GRM5: variants seen among roughly 807,000 people sequenced by gnomAD.
The protein encoded by GRM5 is glutamate metabotropic receptor 5, also known as metabotropic glutamate receptor 5.
Under a neutral mutation model 83.1 loss-of-function variants are expected in GRM5, and 19 were observed. That is an observed-to-expected ratio of 0.23 (90% CI 0.16 to 0.34). The LOEUF (loss-of-function observed/expected upper bound fraction) is 0.34. GRM5 is among the 10% of genes least tolerant of loss of function. GRM5 has a pLI of 1.00. For missense variants in GRM5, 1,160 were observed against 1,588.3 expected (o/e 0.73, Z 4.58); for synonymous variants, 675 against 633.6 (o/e 1.07, Z -0.98).
chr11:88,721,177 T>G (rs1941529790), intron 3 of GRM5, among the ~76,000 whole-genome samples: 1 of 152,050 alleles, frequency 6.6e-6, no homozygotes, highest in Non-Finnish European at 1.5e-5. Flanking sequence ...AGCACCACGA[T>G]GGTGATACAA....
chr11:88,565,341 G>C (rs1364536689), intron 8 of GRM5, among the ~76,000 whole-genome samples: 1 of 152,186 alleles, frequency 6.6e-6, no homozygotes, highest in African/African-American at 2.4e-5. Context: ...GGTGCAGAGA[G>C]ACAAAGTAGC....
intron 3 of GRM5, among the ~76,000 whole-genome samples, chr11:88,794,152 G>A (rs942017145): frequency 2.6e-5 from 4 of 152,232 alleles, no homozygotes; most frequent in Middle Eastern, 3.4e-3. Flanking sequence ...TAATATACCT[G>A]GAACATGCAT....
At chr11:88,521,399 A>G (rs7943652) in intron 9 of GRM5, among the ~76,000 whole-genome samples, 22,888 of 152,070 alleles carry the variant, frequency 0.15, 1,926 homozygotes, top group African/African-American at 0.19. Flanking sequence ...CCTGGGTGAC[A>G]TTGCAGACTC....
chr11:88,773,058 TC>T (rs1942773589), intron 3 of GRM5, among the ~76,000 whole-genome samples: 1 of 152,194 alleles, frequency 6.6e-6, no homozygotes, highest in South Asian at 2.1e-4. Flanking sequence ...TAATTTACAC[TC>T]CCACCAACAG....
intron 4 of GRM5, among the ~76,000 whole-genome samples, chr11:88,615,255 C>A (rs915164630): frequency 1.3e-5 from 2 of 152,016 alleles, no homozygotes; most frequent in African/African-American, 4.8e-5. Context: ...AACTCCTCCC[C>A]CTCAAAATGA....
intron 2 of GRM5, among the ~76,000 whole-genome samples, chr11:89,001,089 G>A (rs1341148983): frequency 4.6e-5 from 7 of 151,484 alleles, no homozygotes; most frequent in Admixed American, 4.6e-4. Flanking sequence ...CATTATTCAT[G>A]AAAATGTAAA....
In GRM5 at chr11:89,008,290, G is replaced by C. The variant is rs965738636; in HGVS notation, c.661+38922C>G. On this transcript the variant is annotated intron_variant, in intron 2 of 9. Coordinates refer to ENST00000305447, the MANE Select transcript of GRM5 (RefSeq NM_001143831.3). Reference sequence around the variant, plus strand: ...CTTTACTAACCAAAATAAAAGACATGGTTAGCTGGATTATCAAGCAAATAT... The same window carrying C: ...CTTTACTAACCAAAATAAAAGACATCGTTAGCTGGATTATCAAGCAAATAT... Among the ~76,000 whole-genome samples the C allele has an allele frequency of 2.6e-5, 4 of 151,892 alleles. No homozygotes were observed. The East Asian group carries it at 7.7e-4, about 29-fold the overall frequency.
chr11:88,676,699 A>G (rs142050865), intron 3 of GRM5, among the ~76,000 whole-genome samples: 6 of 152,200 alleles, frequency 3.9e-5, no homozygotes, highest in African/African-American at 9.6e-5. Context: ...GAATCCCTCA[A>G]TTCAAATACT....
chr11:89,039,282 T>TA (rs1941471762), intron 2 of GRM5, among the ~76,000 whole-genome samples: 1 of 139,306 alleles, frequency 7.2e-6, no homozygotes, highest in Non-Finnish European at 1.5e-5. Flanking sequence ...AAAAAAAATA[T>TA]ATATATATAT....
chr11:88,766,781 A>G (rs1270347843), intron 3 of GRM5, among the ~76,000 whole-genome samples: 1 of 152,088 alleles, frequency 6.6e-6, no homozygotes, highest in African/African-American at 2.4e-5. Flanking sequence ...AGAATGGAAG[A>G]AAATATTTGC....
chr11:89,039,494 C>G (rs1220628814), intron 2 of GRM5, among the ~76,000 whole-genome samples: 1 of 151,950 alleles, frequency 6.6e-6, no homozygotes, highest in African/African-American at 2.4e-5. Context: ...CTCACTATCT[C>G]CTAAGAGTGG....
chr11:88,716,812 C>A (rs1038274931), intron 3 of GRM5, among the ~76,000 whole-genome samples: 4 of 151,264 alleles, frequency 2.6e-5, no homozygotes, highest in African/African-American at 9.7e-5. Flanking sequence ...GAAGTACTTA[C>A]CATTCTCTTT....
At chr11:88,594,808 T>C (rs1336756732) in intron 6 of GRM5, among the ~76,000 whole-genome samples, 1 of 152,188 alleles carries the variant, frequency 6.6e-6, no homozygotes, top group East Asian at 1.9e-4. Flanking sequence ...GAAGGTAAGG[T>C]TGATTGAAAA....
intron 2 of GRM5, among the ~76,000 whole-genome samples, chr11:88,913,385 T>C (rs1160800703): frequency 6.6e-6 from 1 of 152,024 alleles, no homozygotes; most frequent in Non-Finnish European, 1.5e-5. Flanking sequence ...TCCCTTCCTG[T>C]CTGGCATCCA....
chr11:88,766,420 G>A (rs1249842627), intron 3 of GRM5, among the ~76,000 whole-genome samples: 1 of 151,932 alleles, frequency 6.6e-6, no homozygotes, highest in African/African-American at 2.4e-5. Flanking sequence ...ACAACTATCA[G>A]ATCATTGACA....
rs974955954 is a variant in GRM5 at position 88,583,464 on chromosome 11, G to A, written c.1690+7137C>T. 5.5e-4 allele frequency among the ~76,000 whole-genome samples: 83 copies of A among 152,202 alleles called. 2 individuals are homozygous for A. Among genetic ancestry groups the A allele is most frequent in the East Asian group, 1.9e-4 (1 of 5,198 alleles). On this transcript the variant is annotated intron_variant, in intron 7 of 9. Transcript: ENST00000305447. The stretch of plus-strand genomic sequence containing the variant: ...AAGCGTTTTACAGCTTTGGACTTAC[G>A]TAAGATACATTTCTTTTATGATTGA...
At chr11:88,655,685 T>G (rs545799140) in intron 3 of GRM5, among the ~76,000 whole-genome samples, 11 of 150,424 alleles carry the variant, frequency 7.3e-5, no homozygotes, top group African/African-American at 2.7e-4. Context: ...TTTTTTTTTT[T>G]GAGGTATATA....
At chr11:88,932,780 A>G (rs576319139) in intron 2 of GRM5, among the ~76,000 whole-genome samples, 149 of 152,020 alleles carry the variant, frequency 9.8e-4, no homozygotes, top group Admixed American at 1.8e-3. Flanking sequence ...ACTTCAAATT[A>G]AAATTCACTC....
chr11:88,545,780 A>G (rs1436616030), intron 8 of GRM5, among the ~76,000 whole-genome samples: 2 of 152,104 alleles, frequency 1.3e-5, no homozygotes, highest in African/African-American at 4.8e-5. Context: ...TCTAAATTTT[A>G]TTCTATCTAC....
Sources: allele counts gnomAD v4.1 joint callset (sites outside exome capture counted in the v4.1 genomes callset), GRCh38; gene constraint gnomAD v4.1.1; transcripts MANE v1.5; gene names NCBI Gene and HGNC (gene_info 2026-07-23, HGNC 2026-07-21).